The following FRK variants were observed in gnomAD, a reference collection of about 807,000 sequenced individuals.
FRK encodes the protein tyrosine-protein kinase FRK.
A neutral mutation model predicts 56.4 loss-of-function variants in FRK; 51 were observed. The ratio of observed to expected loss-of-function variants is 0.90; its 90% CI spans 0.72 to 1.14. The LOEUF is 1.14. Among genes scored for constraint, FRK ranks in the 50% most tolerant of loss-of-function variants. The pLI is 0.00. For synonymous variants in FRK, 245 were observed against 217.9 expected (o/e 1.12, Z -1.10); for missense variants, 570 against 601.4 (o/e 0.95, Z 0.55).
intron 1 of FRK, among the ~76,000 whole-genome samples, chr6:116,026,489 CAGGA>C (rs146813023): frequency 0.29 from 36,118 of 123,464 alleles, 6,057 homozygotes; most frequent in Middle Eastern, 0.43. Flanking sequence ...TAAGTTGAAC[CAGGA>C]AGGAAGGAAG....
At chr6:116,041,866 C>G (rs769642062) in intron 1 of FRK, among the ~76,000 whole-genome samples, 1 of 152,132 alleles carries the variant, frequency 6.6e-6, no homozygotes, top group Non-Finnish European at 1.5e-5. Flanking sequence ...TTTTCATACC[C>G]CAGTGGTGCC....
Position 115,933,242 on chromosome 6 carries a change from C to G in FRK, c.*9172G>C, listed in dbSNP as rs1771987830. 1 of 152,170 alleles carries G rather than the reference C, an allele frequency of 6.6e-6. No homozygotes were observed. Among genetic ancestry groups the G allele is most frequent in the African/African-American group, 2.4e-5 (1 of 41,456 alleles). The allele number at this position is 152,170 out of a possible 1,614,324, so 9.4% of individuals were successfully genotyped here. ...ATGATGTACTCACATCCCTCACCAC[C>G]ATCTCCAAATAACTGAATTACATAA... On this transcript the variant is annotated 3_prime_UTR_variant, in exon 8 of 8. Transcript: ENST00000606080.
rs1044632249 is a variant in FRK at position 115,939,764 on chromosome 6, A to G, written c.*2650T>C. Reference sequence around the variant, plus strand: ...AGAGAATGAAATATCTAGGATTACAACTTACAAGGGATGCAAAGGACCTCT... The same window carrying G: ...AGAGAATGAAATATCTAGGATTACAGCTTACAAGGGATGCAAAGGACCTCT... On this transcript the variant is annotated 3_prime_UTR_variant, in exon 8 of 8. Coordinates refer to ENST00000606080, the MANE Select transcript of FRK (RefSeq NM_002031.3). 6.6e-6 allele frequency: 1 copy of G among 152,232 alleles called. No homozygotes were observed. The highest frequency in any genetic ancestry group is 1.5e-5 in the Non-Finnish European group (1 of 68,056). 9.4% of individuals were successfully genotyped at this position (152,232 alleles called of 1,614,324 possible).
At position 115,934,250 on chromosome 6, in the gene FRK, T is replaced by C. The variant is rs945985241; in HGVS notation, c.*8164A>G. 6.6e-6 allele frequency: 1 copy of C among 152,204 alleles called. No homozygotes were observed. Among genetic ancestry groups the C allele is most frequent in the African/African-American group, 2.4e-5 (1 of 41,448 alleles). The allele number at this position is 152,204 out of a possible 1,614,324, so 9.4% of individuals were successfully genotyped here. On this transcript the variant is annotated 3_prime_UTR_variant, in exon 8 of 8. Coordinates refer to ENST00000606080, the MANE Select transcript of FRK (RefSeq NM_002031.3). ...TATTCAGATAAGCCAACCTCTCAACTTGTCTCTGAGGAAGGTGACCACATT... is the reference window on the plus strand; with the variant it reads ...TATTCAGATAAGCCAACCTCTCAACCTGTCTCTGAGGAAGGTGACCACATT...
chr6:116,050,144 A>G (rs1468904892), intron 1 of FRK, among the ~76,000 whole-genome samples: 1 of 152,228 alleles, frequency 6.6e-6, no homozygotes, highest in Non-Finnish European at 1.5e-5. Context: ...CTTAACGGCT[A>G]GACCTTGCTG....
the FRK span, among the ~76,000 whole-genome samples, chr6:116,089,032 A>C: frequency 6.6e-6 from 1 of 152,212 alleles, no homozygotes. Context: ...TCAATACATG[A>C]GGCAAAAGAG....
intron 1 of FRK, among the ~76,000 whole-genome samples, chr6:116,026,629 T>C (rs890444201): frequency 2.6e-5 from 4 of 151,892 alleles, no homozygotes; most frequent in Non-Finnish European, 4.4e-5. Flanking sequence ...TTTGTTTTTT[T>C]TTTAACTGAT....
chr6:116,027,284 A>G (rs892150914), intron 1 of FRK, among the ~76,000 whole-genome samples: 3 of 152,336 alleles, frequency 2.0e-5, no homozygotes, highest in South Asian at 2.1e-4. Flanking sequence ...CAGAAAAGAG[A>G]CAAGACAGCA....
intron 1 of FRK, among the ~76,000 whole-genome samples, chr6:116,056,888 T>C (rs1777419644): frequency 2.0e-5 from 3 of 152,252 alleles, no homozygotes; most frequent in Admixed American, 2.0e-4. Context: ...TAGTGGAAGA[T>C]ATTCAGTAAA....
intron 2 of FRK, among the ~76,000 whole-genome samples, chr6:115,993,471 C>T (rs12202641): frequency 0.39 from 58,582 of 151,290 alleles, 11,690 homozygotes; most frequent in Middle Eastern, 0.5. Flanking sequence ...TGAAAAGATG[C>T]CCTAGGTATA....
At chr6:115,952,762 G>A (rs1166308829) in intron 5 of FRK, among the ~76,000 whole-genome samples, 4 of 152,104 alleles carry the variant, frequency 2.6e-5, no homozygotes, top group Admixed American at 6.5e-5. Flanking sequence ...ATGAGTTCAT[G>A]TCCTTTGCAG....
the FRK span, among the ~76,000 whole-genome samples, chr6:116,081,864 CA>C: frequency 2.0e-5 from 3 of 151,878 alleles, no homozygotes; most frequent in African/African-American, 7.3e-5. Flanking sequence ...AGGCACACAC[CA>C]AAAAGAAAAA....
chr6:116,017,497 C>T (rs142931978), intron 1 of FRK, among the ~76,000 whole-genome samples: 2 of 152,284 alleles, frequency 1.3e-5, no homozygotes, highest in Non-Finnish European at 2.9e-5. Flanking sequence ...TGAGCACACT[C>T]TGGCTCAGGA....
At chr6:116,059,374 A>C (rs1270704947) in intron 1 of FRK, among the ~76,000 whole-genome samples, 1 of 152,136 alleles carries the variant, frequency 6.6e-6, no homozygotes, top group Non-Finnish European at 1.5e-5. Context: ...AAGATATCAT[A>C]ATTTGGGTAG....
rs978680628 is a variant in FRK at position 115,997,441 on chromosome 6, A to G, written c.466+6436T>C. 2.2e-5 allele frequency among the ~76,000 whole-genome samples: 3 copies of G among 136,528 alleles called. No individual in the cohort carries two copies. The East Asian group carries it at 6.2e-4, about 28-fold the overall frequency. The allele number at this position is 136,528 out of a possible 152,430, so 89.6% of individuals were successfully genotyped here. On this transcript the variant is annotated intron_variant, in intron 2 of 7. Transcript: ENST00000606080. ...TCAGCACAAACAAGTCTCCCTGACCAAAAAAAAAAAAGGAGAATGGCTATT... is the reference window on the plus strand; with the variant it reads ...TCAGCACAAACAAGTCTCCCTGACCGAAAAAAAAAAAGGAGAATGGCTATT...
At chr6:116,016,557 G>T (rs2114725025) in intron 1 of FRK, among the ~76,000 whole-genome samples, 2 of 152,150 alleles carry the variant, frequency 1.3e-5, no homozygotes, top group African/African-American at 4.8e-5. Context: ...GTGTGTGTGT[G>T]TTTGTGTGTG....
intron 2 of FRK, among the ~76,000 whole-genome samples, chr6:115,982,746 T>A (rs180730938): frequency 6.6e-6 from 1 of 152,202 alleles, no homozygotes; most frequent in East Asian, 1.9e-4. Flanking sequence ...CATCTTTCAG[T>A]GCAAAACATA....
the FRK span, among the ~76,000 whole-genome samples, chr6:116,068,865 T>A: frequency 6.6e-6 from 1 of 152,166 alleles, no homozygotes; most frequent in Non-Finnish European, 1.5e-5. Flanking sequence ...AAGCTTTTTG[T>A]TTCATTCTTT....
chr6:115,961,326 A>G (rs865849553), intron 4 of FRK, among the ~76,000 whole-genome samples: 15 of 111,504 alleles, frequency 1.3e-4, no homozygotes, highest in Admixed American at 5.4e-4. Context: ...GAAATGAAGC[A>G]AGAAGGGAAG....
Sources: allele counts gnomAD v4.1 joint callset (sites outside exome capture counted in the v4.1 genomes callset), GRCh38; gene constraint gnomAD v4.1.1; transcripts MANE v1.5; gene names NCBI Gene and HGNC (gene_info 2026-07-23, HGNC 2026-07-21).